The following IQSEC1 variants were observed in gnomAD, a reference collection of about 807,000 sequenced individuals.
IQSEC1 encodes IQ motif and SEC7 domain-containing protein 1.
A neutral mutation model predicts 91.0 loss-of-function variants in IQSEC1; 31 were observed. That is an observed-to-expected ratio of 0.34 (90% CI 0.26 to 0.46). The LOEUF is 0.46. IQSEC1 is among the 20% of genes least tolerant of loss of function. The pLI, the probability that IQSEC1 is intolerant of heterozygous loss-of-function variation, is 1.00. For synonymous variants in IQSEC1, 699 were observed against 662.6 expected (o/e 1.05, Z -0.84); for missense variants, 1,388 against 1,575.6 (o/e 0.88, Z 2.02).
rs1007872910 is a variant in IQSEC1, at chr3:12,924,367, G to A, written c.1730+214C>T. Among the ~76,000 whole-genome samples the A allele has an allele frequency of 6.6e-6, 1 of 152,308 alleles. No individual in the cohort carries two copies. Among genetic ancestry groups the A allele is most frequent in the East Asian group, 1.9e-4 (1 of 5,180 alleles). On this transcript the variant is annotated intron_variant, in intron 4 of 13. Coordinates refer to ENST00000613206, the MANE Select transcript of IQSEC1 (RefSeq NM_001134382.3). The surrounding 1 kb of genome is among the most constrained non-coding windows in gnomAD (Gnocchi z 6.3). ...GACAGGCAGTGGGGTTCGCATGTGG[G>A]ATGGTGCATTGGAGGGCAGGTGCCC...
intron 2 of IQSEC1, among the ~76,000 whole-genome samples, chr3:13,159,663 C>G (rs1239995731): frequency 6.6e-6 from 1 of 152,114 alleles, no homozygotes; most frequent in African/African-American, 2.4e-5. Context: ...TAATAACTCT[C>G]TTACAAGGGT....
rs930924547 is a variant in IQSEC1 at position 12,941,796 on chromosome 3, G to A, written c.93C>T (p.Gly31=). 2.5e-6 allele frequency: 4 copies of A among 1,611,098 alleles called. No individual in the cohort carries two copies. Among genetic ancestry groups the A allele is most frequent in the Admixed American group, 1.7e-5 (1 of 59,886 alleles). The change falls in exon 2 of 14, where the codon GGC becomes GGT. Residue 31 remains glycine (G), a synonymous_variant. Transcript: ENST00000613206. ...SLDSPSAYPQ[G]PLVPGSSLSP... is the part of the protein sequence containing the mutation. ...TCAGGCTGGAACCGGGCACCAAGGGGCCCTGGGGGTAGGCTGAGGGGCTGT... is the reference window on the plus strand; with the variant it reads ...TCAGGCTGGAACCGGGCACCAAGGGACCCTGGGGGTAGGCTGAGGGGCTGT...
At position 12,897,983 on chromosome 3, in the gene IQSEC1, T is replaced by C. The variant is rs1693816753; in HGVS notation, c.*3000A>G. On this transcript the variant is annotated 3_prime_UTR_variant, in exon 14 of 14. Transcript: ENST00000613206. ...ATTGTTGTCCCAGAAAAGACTTTTG[T>C]CACATTGCCAGCTGTTTCCCTCAGC... 6.6e-6 allele frequency: 1 copy of C among 152,262 alleles called. No homozygotes were observed. The highest frequency in any genetic ancestry group is 1.5e-5 in the Non-Finnish European group (1 of 68,046). 9.4% of individuals were successfully genotyped at this position (152,262 alleles called of 1,614,324 possible).
intron 1 of IQSEC1, among the ~76,000 whole-genome samples, chr3:13,250,977 C>T (rs116113663): frequency 2.9e-3 from 444 of 152,286 alleles, no homozygotes; most frequent in African/African-American, 9.7e-3. Flanking sequence ...GGCTCCCTGC[C>T]GGGGGTAAAG....
intron 12 of IQSEC1, among the ~76,000 whole-genome samples, chr3:12,903,138 G>A (rs1264643248): frequency 6.6e-6 from 1 of 152,256 alleles, no homozygotes; most frequent in African/African-American, 2.4e-5. Flanking sequence ...GCTGAGGCAT[G>A]TGTACAGGTG....
chr3:13,241,790 G>A (rs1695025641), intron 1 of IQSEC1, among the ~76,000 whole-genome samples: 1 of 152,232 alleles, frequency 6.6e-6, no homozygotes. Flanking sequence ...GGACCCACTG[G>A]CCCCTGGACC....
At chr3:13,085,997 G>C (rs1310756747) in intron 2 of IQSEC1, among the ~76,000 whole-genome samples, 4 of 152,220 alleles carry the variant, frequency 2.6e-5, no homozygotes, top group Non-Finnish European at 5.9e-5. Flanking sequence ...TCTACCCCCA[G>C]TCTGGCTGGT....
chr3:13,098,119 G>A (rs1285221015), intron 2 of IQSEC1, among the ~76,000 whole-genome samples: 3 of 152,184 alleles, frequency 2.0e-5, no homozygotes, highest in African/African-American at 7.2e-5. Flanking sequence ...AGGTCTTCAG[G>A]TCCCCAGCAG....
intron 1 of IQSEC1, among the ~76,000 whole-genome samples, chr3:13,067,270 C>T (rs537849306): frequency 2.6e-5 from 4 of 152,300 alleles, no homozygotes; most frequent in East Asian, 1.9e-4. Flanking sequence ...GAAGGGCAGA[C>T]GGGGGCTGTG....
In IQSEC1 at chr3:13,045,341, C is replaced by A. The variant is rs1315211617; in HGVS notation, c.23+27651G>T. Among the ~76,000 whole-genome samples the A allele has an allele frequency of 1.3e-5, 2 of 152,204 alleles. 1 individual carries two copies. Among genetic ancestry groups the A allele is most frequent in the South Asian group, 4.1e-4 (2 of 4,836 alleles). On this transcript the variant is annotated intron_variant, in intron 1 of 13. Coordinates refer to ENST00000613206, the MANE Select transcript of IQSEC1 (RefSeq NM_001134382.3). ...TTTCTGCTTGCTGCCTGTGCTCCTG[C>A]CTGCCACAGATGCTCTGTGAAGGCA...
At position 12,901,165 on chromosome 3, in the gene IQSEC1, CGTGCTGGAT is replaced by C; in HGVS notation, c.3154_3162del (p.Ile1052_His1054del). The C allele has an allele frequency of 3.2e-6, 5 of 1,542,886 alleles. No individual in the cohort carries two copies. In the South Asian group the frequency reaches 6.0e-5, roughly 18 times the overall value. ...TGGGGGCCGTGGTGGTACTGGTGTG[CGTGCTGGAT>C]GTGCTGGGGTGGGTGGTGGTGGTGG... is the stretch of plus-strand genomic sequence containing the variant. On this transcript the variant is annotated inframe_deletion, in exon 14 of 14. Transcript: ENST00000613206.
chr3:13,128,105 T>G lies in IQSEC1; in HGVS notation c.302+35999A>C, dbSNP rs567998116. On this transcript the variant is annotated intron_variant, in intron 2 of 15. Coordinates refer to the IQSEC1 transcript ENST00000648114. Reference sequence around the variant, plus strand: ...ATTTTCATTGTAGATAATTGTGTTATTGAAAATAGGGACAGTTTTATTTCT... The same window carrying G: ...ATTTTCATTGTAGATAATTGTGTTAGTGAAAATAGGGACAGTTTTATTTCT... Among the ~76,000 whole-genome samples the G allele has an allele frequency of 2.6e-5, 4 of 152,354 alleles. No individual in the cohort carries two copies. In the South Asian group the frequency reaches 6.2e-4, roughly 24 times the overall value.
chr3:13,171,408 T>C (rs60623312), intron 1 of IQSEC1, among the ~76,000 whole-genome samples: 38,045 of 152,036 alleles, frequency 0.25, 5,941 homozygotes, highest in African/African-American at 0.42. Flanking sequence ...TCTCAGAATG[T>C]GCATGTAATT....
At chr3:13,088,630 C>A (rs916105158) in intron 2 of IQSEC1, among the ~76,000 whole-genome samples, 1 of 152,156 alleles carries the variant, frequency 6.6e-6, no homozygotes, top group African/African-American at 2.4e-5. Flanking sequence ...CTGCTCAGTA[C>A]CCTCCCGGGG....
chr3:13,174,040 C>A (rs891900574), intron 1 of IQSEC1, among the ~76,000 whole-genome samples: 1 of 152,158 alleles, frequency 6.6e-6, no homozygotes, highest in Non-Finnish European at 1.5e-5. Context: ...CTCGAACCAT[C>A]CTGCTGTACA....
intron 1 of IQSEC1, among the ~76,000 whole-genome samples, chr3:13,189,098 AG>A (rs1486547968): frequency 6.6e-6 from 1 of 152,224 alleles, no homozygotes; most frequent in Non-Finnish European, 1.5e-5. Flanking sequence ...GGGCCAGAAG[AG>A]ATGAGCAGCC....
At chr3:13,037,616 G>A (rs747460366) in intron 1 of IQSEC1, among the ~76,000 whole-genome samples, 15 of 152,152 alleles carry the variant, frequency 9.9e-5, no homozygotes, top group Admixed American at 2.0e-4. Context: ...CAACACAAGC[G>A]TCCATTCGTG....
chr3:13,061,679 G>T lies in IQSEC1; in HGVS notation c.23+11313C>A, dbSNP rs574521841. Among the ~76,000 whole-genome samples, 6 of 152,300 alleles carry T rather than the reference G, an allele frequency of 3.9e-5. No individual in the cohort carries two copies. In the East Asian group the frequency reaches 5.8e-4, roughly 15 times the overall value. On this transcript the variant is annotated intron_variant, in intron 1 of 13. Transcript: ENST00000613206. ...TGGTGCCTAAGCCAGGGATCTGGCT[G>T]CCCTGGGCCTCTGCACACTACTGAG... is the stretch of plus-strand genomic sequence containing the variant.
chr3:13,118,159 C>A (rs1237656951), intron 2 of IQSEC1, among the ~76,000 whole-genome samples: 2 of 152,122 alleles, frequency 1.3e-5, no homozygotes, highest in Non-Finnish European at 2.9e-5. Flanking sequence ...GTGCTAACCA[C>A]CCTGGTCTGA....
Sources: allele counts gnomAD v4.1 joint callset (sites outside exome capture counted in the v4.1 genomes callset), GRCh38; gene constraint gnomAD v4.1.1; non-coding constraint Gnocchi (gnomAD v3.1); transcripts MANE v1.5; gene names NCBI Gene and HGNC (gene_info 2026-07-23, HGNC 2026-07-21).